Variants in CATSPER3 observed in about 807,000 individuals in gnomAD.
CATSPER3 encodes cation channel sperm-associated protein 3.
A neutral mutation model predicts 36.6 loss-of-function variants in CATSPER3; 23 were observed. The observed-to-expected ratio is 0.63, with a 90% CI of 0.45 to 0.89. The LOEUF (loss-of-function observed/expected upper bound fraction) is 0.89, where lower values mean the gene tolerates loss of function less well. Among genes scored for constraint, CATSPER3 ranks in the 40% least tolerant of loss-of-function variants. The probability of loss-of-function intolerance (pLI) is 0.00; values close to 1 mark genes in which losing one functional copy is unlikely to be tolerated. For missense variants in CATSPER3, 474 were observed against 503.9 expected, an observed-to-expected ratio of 0.94 and a Z score of 0.57; for synonymous variants, 172 against 184.1, an observed-to-expected ratio of 0.93 and a Z score of 0.53.
chr5:134,999,837 A>T (rs1429283973), intron 3 of CATSPER3, among the ~76,000 whole-genome samples: 2 of 152,196 alleles, frequency 1.3e-5, no homozygotes, highest in Admixed American at 6.5e-5. Context: ...CTAAATATAC[A>T]ATCATGTCAT....
intron 2 of CATSPER3, 110 bp downstream of exon 2, chr5:134,970,202 C>G: frequency 2.7e-6 from 3 of 1,097,524 alleles, no homozygotes; most frequent in Non-Finnish European, 4.1e-6. Context: ...CTCTGTCAGG[C>G]TGGAGTGCAG....
chr5:134,998,037 A>T lies in CATSPER3; in HGVS notation c.492+1525A>T, dbSNP rs942546120. ...TGCTGCACCCATTAACTTGTCATTT[A>T]CATTAGGTATATCTCCTAATACTAT... On this transcript the variant is annotated intron_variant, in intron 3 of 7. Transcript: ENST00000282611. Among the ~76,000 whole-genome samples, 4 of 152,102 alleles carry T rather than the reference A, an allele frequency of 2.6e-5. No homozygotes were observed. The East Asian group carries it at 7.7e-4, about 29-fold the overall frequency.
chr5:135,001,864 G>A (rs1445845860), intron 3 of CATSPER3, among the ~76,000 whole-genome samples: 1 of 152,212 alleles, frequency 6.6e-6, no homozygotes, highest in East Asian at 1.9e-4. Context: ...GTCTCTGCAC[G>A]TGAGATGGGT....
At chr5:134,994,243 A>G (rs1265378626) in intron 2 of CATSPER3, among the ~76,000 whole-genome samples, 1 of 152,268 alleles carries the variant, frequency 6.6e-6, no homozygotes, top group Admixed American at 6.5e-5. Context: ...TGTCTTCCTG[A>G]TCAATAAGAA....
At chr5:134,995,342 CTTTTT>C (rs1050982895) in intron 2 of CATSPER3, among the ~76,000 whole-genome samples, 1 of 152,042 alleles carries the variant, frequency 6.6e-6, no homozygotes, top group African/African-American at 2.4e-5. Flanking sequence ...ATGAGATCCA[CTTTTT>C]TAGCTCCCAC....
chr5:134,989,733 T>G (rs2149549195), intron 2 of CATSPER3, among the ~76,000 whole-genome samples: 1 of 152,346 alleles, frequency 6.6e-6, no homozygotes, highest in South Asian at 2.1e-4. Flanking sequence ...TAGGGCTGTT[T>G]TGCTTTCTTA....
At chr5:134,991,121 T>C (rs974464658) in intron 2 of CATSPER3, among the ~76,000 whole-genome samples, 1 of 152,146 alleles carries the variant, frequency 6.6e-6, no homozygotes, top group East Asian at 1.9e-4. Context: ...TATAAAACAT[T>C]GCTGAAAGAA....
intron 2 of CATSPER3, among the ~76,000 whole-genome samples, chr5:134,977,919 AG>A (rs1286013153): frequency 6.6e-6 from 1 of 152,080 alleles, no homozygotes; most frequent in East Asian, 1.9e-4. Context: ...CAAGAGAGAG[AG>A]GGGGGAACTG....
chr5:135,010,484 G>A lies in CATSPER3; in HGVS notation c.1048G>A (p.Asp350Asn), dbSNP rs367634072. ...TTTTGGCACTAGCTTACCCTTCATC[G>A]ATATCTACTTTTCCACTCTGGACTA... ...DDFGTSLPFI[D>N]IYFSTLDYQD... Residue 350 changes from aspartate to asparagine, a missense_variant, in exon 7 of 8, where the codon GAT becomes AAT. Coordinates refer to ENST00000282611, the MANE Select transcript of CATSPER3 (RefSeq NM_178019.3). The A allele has an allele frequency of 8.1e-6, 13 of 1,614,042 alleles. No homozygotes were observed. The highest frequency in any genetic ancestry group is 5.0e-5 in the Admixed American group (3 of 60,030).
chr5:134,971,395 T>A (rs1751604859), intron 2 of CATSPER3, among the ~76,000 whole-genome samples: 1 of 152,116 alleles, frequency 6.6e-6, no homozygotes, highest in Admixed American at 6.6e-5. Flanking sequence ...CACTCTGGCC[T>A]GGGCAACAGA....
At chr5:134,982,297 G>T (rs1751760110) in intron 2 of CATSPER3, among the ~76,000 whole-genome samples, 2 of 152,024 alleles carry the variant, frequency 1.3e-5, no homozygotes, top group Admixed American at 1.3e-4. Flanking sequence ...AGAAATAATG[G>T]CCCCAAATTC....
intron 2 of CATSPER3, among the ~76,000 whole-genome samples, chr5:134,987,630 T>C (rs1426805172): frequency 6.6e-6 from 1 of 152,156 alleles, no homozygotes; most frequent in Non-Finnish European, 1.5e-5. Context: ...GTGGGATTTA[T>C]CTCAAGAAAG....
At chr5:135,004,091 T>C (rs1391126442) in intron 3 of CATSPER3, among the ~76,000 whole-genome samples, 1 of 152,208 alleles carries the variant, frequency 6.6e-6, no homozygotes. Context: ...AGCCATCATC[T>C]CCTCCAGTAT....
intron 2 of CATSPER3, among the ~76,000 whole-genome samples, chr5:134,988,069 AT>A (rs1209827792): frequency 6.6e-6 from 1 of 152,194 alleles, no homozygotes; most frequent in East Asian, 1.9e-4. Context: ...AGTCACATGA[AT>A]TTTTTTGTTT....
chr5:134,980,009 T>G (rs1391300405), intron 2 of CATSPER3, among the ~76,000 whole-genome samples: 1 of 123,546 alleles, frequency 8.1e-6, no homozygotes, highest in Non-Finnish European at 1.8e-5. Flanking sequence ...TGAGACAAAG[T>G]CTTACTCTGT....
chr5:135,002,704 G>C (rs1386255115), intron 3 of CATSPER3, among the ~76,000 whole-genome samples: 1 of 152,078 alleles, frequency 6.6e-6, no homozygotes, highest in African/African-American at 2.4e-5. Context: ...TCATTCATTT[G>C]ATCTTCAATC....
At chr5:134,992,819 G>A (rs896327164) in intron 2 of CATSPER3, among the ~76,000 whole-genome samples, 4 of 152,196 alleles carry the variant, frequency 2.6e-5, no homozygotes, top group Non-Finnish European at 5.9e-5. Flanking sequence ...TGTAACAATG[G>A]TACAACTACT....
intron 5 of CATSPER3, 139 bp from the exon 6 acceptor site, chr5:135,009,232 T>G: frequency 9.9e-7 from 1 of 1,014,716 alleles, no homozygotes; most frequent in Middle Eastern, 2.2e-4. Context: ...GTTGGCAGCT[T>G]GAGTGGCGGC....
intron 3 of CATSPER3, among the ~76,000 whole-genome samples, chr5:135,000,368 G>A (rs552529761): frequency 2.0e-5 from 3 of 152,188 alleles, no homozygotes; most frequent in Non-Finnish European, 2.9e-5. Flanking sequence ...CAGGGATATT[G>A]GTCTAAAATT....
Sources: allele counts gnomAD v4.1 joint callset (sites outside exome capture counted in the v4.1 genomes callset), GRCh38; gene constraint gnomAD v4.1.1; transcripts MANE v1.5; gene names NCBI Gene and HGNC (gene_info 2026-07-23, HGNC 2026-07-21).